ZC3H7B: variants seen among roughly 807,000 people sequenced by gnomAD.
ZC3H7B encodes zinc finger CCCH domain-containing protein 7B.
In ZC3H7B, 35 loss-of-function variants were observed where a neutral mutation model predicts 116.0. The ratio of observed to expected loss-of-function variants is 0.30; its 90% CI spans 0.23 to 0.40. The LOEUF is 0.40. Ranked by LOEUF, ZC3H7B falls within the 10% of genes least tolerant of loss-of-function variation. The pLI, the probability that ZC3H7B is intolerant of heterozygous loss-of-function variation, is 1.00. For missense variants in ZC3H7B, 1,011 were observed against 1,321.5 expected, an observed-to-expected ratio of 0.77 and a Z score of 3.64; for synonymous variants, 502 against 545.6, an observed-to-expected ratio of 0.92 and a Z score of 1.11.
chr22:41,334,737 C>G lies in ZC3H7B; in HGVS notation c.582+2510C>G, dbSNP rs566543678. ...CCCCTGGCCTTCCGTGAGTTGTGCACAGACACAAGTAAATGCAGGCTGCAG... is the reference window on the plus strand; with the variant it reads ...CCCCTGGCCTTCCGTGAGTTGTGCAGAGACACAAGTAAATGCAGGCTGCAG... On this transcript the variant is annotated intron_variant, in intron 7 of 22. Transcript: ENST00000352645. The G allele has an allele frequency of 2.0e-5, 3 of 152,424 alleles. No homozygotes were observed. In the East Asian group the frequency reaches 5.8e-4, roughly 29 times the overall value. The allele number at this position is 152,424 out of a possible 1,614,324, so 9.4% of individuals were successfully genotyped here. A position where few individuals can be genotyped will look rare whatever the true frequency, so the allele number is the denominator to read the frequency against.
intron 13 of ZC3H7B, among the ~76,000 whole-genome samples, chr22:41,343,785 G>A (rs914213234): frequency 3.3e-5 from 5 of 152,224 alleles, no homozygotes; most frequent in Admixed American, 2.0e-4. Flanking sequence ...AGCTTCCAGA[G>A]GCAGGTGGGA....
chr22:41,340,368 G>A (rs2036506055), intron 10 of ZC3H7B, among the ~76,000 whole-genome samples: 1 of 152,066 alleles, frequency 6.6e-6, no homozygotes, highest in Non-Finnish European at 1.5e-5. Context: ...AGCTGCGACA[G>A]TCCAGGCCTC....
chr22:41,355,763 C>G lies in ZC3H7B; in HGVS notation c.2175C>G (p.Thr725=). 6.2e-7 allele frequency: 1 copy of G among 1,613,978 alleles called. No individual in the cohort carries two copies. The highest frequency in any genetic ancestry group is 8.5e-7 in the Non-Finnish European group (1 of 1,180,022). The part of the protein sequence containing the change: ...YCSAKARHCW[T]KERRVLLVMS... ...ACCCTGCTCTGTCCTGCAGCTGGAC[C>G]AAGGAGCGGCGGGTCCTTCTGGTGA... is the stretch of plus-strand genomic sequence containing the variant. The change falls in exon 19 of 23, where the codon ACC becomes ACG. Residue 725 remains threonine, a synonymous_variant. Coordinates refer to ENST00000352645, the MANE Select transcript of ZC3H7B (RefSeq NM_017590.6).
rs2036625347 is a variant in ZC3H7B at position 41,349,123 on chromosome 22, C to T, written c.1770C>T (p.Cys590=). 6 of 1,613,530 alleles carry T rather than the reference C, an allele frequency of 3.7e-6. No individual in the cohort carries two copies. Among genetic ancestry groups the T allele is most frequent in the Non-Finnish European group, 5.1e-6 (6 of 1,179,940 alleles). ...CTCCTGCCTGCCCGCCCGCCAGGTG[C>T]CTGGTGCACATCGTCCGCTCCACCT... ...AAKHSFYNNK[C]LVHIVRSTSL... Residue 590 remains cysteine (C), a synonymous_variant, in exon 16 of 23, where the codon TGC becomes TGT. Coordinates refer to ENST00000352645, the MANE Select transcript of ZC3H7B (RefSeq NM_017590.6). This position sits in a 1 kb window ranked among gnomAD's most constrained non-coding sequence, Gnocchi z 4.9.
At chr22:41,314,632 C>G (rs1043001467) in intron 1 of ZC3H7B, among the ~76,000 whole-genome samples, 1 of 140,778 alleles carries the variant, frequency 7.1e-6, no homozygotes, top group Non-Finnish European at 1.6e-5. Context: ...TTTTTTGAGA[C>G]GGAGTCTTGC....
At position 41,349,356 on chromosome 22, in the gene ZC3H7B, G is replaced by A. The variant is rs2036629164; in HGVS notation, c.1948+55G>A. ...AGGTGACTCAGGTGAGGGGTAGGCGGCGCAGGTGAAGGGAGCGCAGGACTG... is the reference window on the plus strand; with the variant it reads ...AGGTGACTCAGGTGAGGGGTAGGCGACGCAGGTGAAGGGAGCGCAGGACTG... On this transcript the variant is annotated intron_variant, in intron 16 of 22. Coordinates refer to ENST00000352645, the MANE Select transcript of ZC3H7B (RefSeq NM_017590.6). This position sits in a 1 kb window ranked among gnomAD's most constrained non-coding sequence, Gnocchi z 4.9. 12 of 1,596,152 alleles carry A rather than the reference G, an allele frequency of 7.5e-6. No homozygotes were observed. Among genetic ancestry groups the A allele is most frequent in the Non-Finnish European group, 1.0e-5 (12 of 1,170,758 alleles).
At chr22:41,353,360 G>A (rs1185505412) in intron 17 of ZC3H7B, among the ~76,000 whole-genome samples, 1 of 152,148 alleles carries the variant, frequency 6.6e-6, no homozygotes, top group South Asian at 2.1e-4. Flanking sequence ...CCCCACCTGC[G>A]GCATTCCTGT....
intron 15 of ZC3H7B, among the ~76,000 whole-genome samples, chr22:41,348,726 T>C (rs2063431139): frequency 6.6e-6 from 1 of 152,182 alleles, no homozygotes; most frequent in Admixed American, 6.5e-5. Flanking sequence ...TCCTCGTCTG[T>C]AAAGCTGATG....
intron 20 of ZC3H7B, 55 bp downstream of exon 20, chr22:41,356,117 A>G: frequency 6.7e-7 from 1 of 1,496,314 alleles, no homozygotes; most frequent in South Asian, 1.3e-5. Flanking sequence ...TCAGTGCTGA[A>G]TGTCTCAATT....
intron 2 of ZC3H7B, among the ~76,000 whole-genome samples, chr22:41,323,163 C>G (rs2036278243): frequency 6.6e-6 from 1 of 152,216 alleles, no homozygotes; most frequent in African/African-American, 2.4e-5. Context: ...GTTCAGCACC[C>G]CTTCCCTGGG....
Position 41,356,416 on chromosome 22 carries a change from C to T in ZC3H7B, c.2457C>T (p.Pro819=), listed in dbSNP as rs1253887480. The part of the protein sequence containing the change: ...HNPGKPGEGT[P]ISSREGEKQI... Reference sequence around the variant, plus strand: ...CAGGAAAGCCTGGAGAAGGGACCCCCATCAGTTCTCGGGAAGGGGAGAAGC... The same window carrying T: ...CAGGAAAGCCTGGAGAAGGGACCCCTATCAGTTCTCGGGAAGGGGAGAAGC... Residue 819 remains proline (P), a synonymous_variant, in exon 21 of 23, where the codon CCC becomes CCT. Coordinates refer to ENST00000352645, the MANE Select transcript of ZC3H7B (RefSeq NM_017590.6). 1.2e-6 allele frequency: 2 copies of T among 1,614,186 alleles called. No individual in the cohort carries two copies. Among genetic ancestry groups the T allele is most frequent in the Non-Finnish European group, 1.7e-6 (2 of 1,180,034 alleles).
rs763719255 is a variant in ZC3H7B, at chr22:41,327,197, C to T, written c.286-9C>T. On this transcript the variant is annotated splice_polypyrimidine_tract_variant and intron_variant, in intron 4 of 22. Transcript: ENST00000352645. The surrounding 1 kb of genome is among the most constrained non-coding windows in gnomAD (Gnocchi z 4.5). Reference sequence around the variant, plus strand: ...TGTTGACCAGTGACCACATGCTCCTCTCTGGCAGGGCCTGTATGAGAAGGC... The same window carrying T: ...TGTTGACCAGTGACCACATGCTCCTTTCTGGCAGGGCCTGTATGAGAAGGC... 2 of 1,613,538 alleles carry T rather than the reference C, an allele frequency of 1.2e-6. No homozygotes were observed. Among genetic ancestry groups the T allele is most frequent in the East Asian group, 2.2e-5 (1 of 44,888 alleles).
rs567571821 is a variant in ZC3H7B at position 41,339,099 on chromosome 22, A to G, written c.724A>G (p.Ser242Gly). Residue 242 changes from serine (S) to glycine (G), a missense_variant, in exon 9 of 23, where the codon AGC becomes GGC. Physicochemically the swap from Ser to Gly is moderately conservative, Grantham distance 56. Coordinates refer to ENST00000352645, the MANE Select transcript of ZC3H7B (RefSeq NM_017590.6). ...TCTGGACCTGCTGGCCCCCCTGGAC[A>G]GCAGCAGGACCCTCCCCAGCACCGA... is the stretch of plus-strand genomic sequence containing the variant. The part of the protein sequence containing the change: ...HVLDLLAPLD[S>G]SRTLPSTDSL... The G allele has an allele frequency of 5.0e-6, 8 of 1,612,250 alleles. No homozygotes were observed. The highest frequency in any genetic ancestry group is 4.0e-5 in the African/African-American group (3 of 74,922).
chr22:41,321,716 G>A (rs866030272), intron 2 of ZC3H7B, among the ~76,000 whole-genome samples: 1 of 151,564 alleles, frequency 6.6e-6, no homozygotes, highest in African/African-American at 2.4e-5. Flanking sequence ...CCATTTTGCA[G>A]ATGAGAAAGT....
chr22:41,307,589 T>C (rs1323958058), intron 1 of ZC3H7B, among the ~76,000 whole-genome samples: 2 of 152,128 alleles, frequency 1.3e-5, no homozygotes, highest in African/African-American at 2.4e-5. Flanking sequence ...TTGGTGGGGA[T>C]CGTGGGGATA....
At chr22:41,355,354 C>T (rs999386670) in intron 17 of ZC3H7B, 115 bp from the exon 18 acceptor site, 13 of 1,446,810 alleles carry the variant, frequency 9.0e-6, no homozygotes, top group East Asian at 2.3e-5. Flanking sequence ...CCAGGAAGAC[C>T]TGGGAGCAGA....
intron 1 of ZC3H7B, among the ~76,000 whole-genome samples, chr22:41,304,668 G>A (rs1026198500): frequency 1.3e-5 from 2 of 152,154 alleles, no homozygotes; most frequent in African/African-American, 4.8e-5. Context: ...TCAAAGAATG[G>A]GGAGGCTTGC....
intron 6 of ZC3H7B, among the ~76,000 whole-genome samples, chr22:41,331,575 AG>A (rs2036385282): frequency 6.8e-6 from 1 of 147,576 alleles, no homozygotes; most frequent in African/African-American, 2.5e-5. Flanking sequence ...AAAAAAAAAA[AG>A]AGAGAGCAAA....
rs781073777 is a variant in ZC3H7B at position 41,346,109 on chromosome 22, C to T, written c.1566C>T (p.Arg522=). The T allele has an allele frequency of 1.4e-5, 22 of 1,613,684 alleles. No homozygotes were observed. The highest frequency in any genetic ancestry group is 5.3e-5 in the African/African-American group (4 of 74,918). Residue 522 remains arginine, a synonymous_variant, in exon 14 of 23, where the codon CGC becomes CGT. Coordinates refer to ENST00000352645, the MANE Select transcript of ZC3H7B (RefSeq NM_017590.6). The surrounding 1 kb of genome is among the most constrained non-coding windows in gnomAD (Gnocchi z 5.3). ...AGGAGCGGAAGGGCACCCTCAACCGCGACCTGCTCTTCGACCCGCTGGGGG... is the reference window on the plus strand; with the variant it reads ...AGGAGCGGAAGGGCACCCTCAACCGTGACCTGCTCTTCGACCCGCTGGGGG... ...WTEERKGTLN[R]DLLFDPLGGV...
Sources: allele counts gnomAD v4.1 joint callset (sites outside exome capture counted in the v4.1 genomes callset), GRCh38; gene constraint gnomAD v4.1.1; non-coding constraint Gnocchi (gnomAD v3.1); transcripts MANE v1.5; gene names NCBI Gene and HGNC (gene_info 2026-07-23, HGNC 2026-07-21).